Variants in KCNH8 observed in about 807,000 individuals in gnomAD.
The protein encoded by KCNH8 is voltage-gated delayed rectifier potassium channel KCNH8.
A neutral mutation model predicts 103.6 loss-of-function variants in KCNH8; 70 were observed. The ratio of observed to expected loss-of-function variants is 0.68; its 90% CI spans 0.56 to 0.82. The LOEUF (loss-of-function observed/expected upper bound fraction) is 0.82, where lower values mean the gene tolerates loss of function less well. KCNH8 is among the 40% of genes least tolerant of loss of function. KCNH8 has a pLI of 0.00. For missense variants in KCNH8, 1,217 were observed against 1,329.9 expected, an observed-to-expected ratio of 0.92 and a Z score of 1.32; for synonymous variants, 498 against 489.4, an observed-to-expected ratio of 1.02 and a Z score of -0.23.
intron 7 of KCNH8, among the ~76,000 whole-genome samples, chr3:19,407,942 G>A (rs7649639): frequency 0.62 from 94,706 of 151,892 alleles, 29,870 homozygotes; most frequent in Middle Eastern, 0.69. Flanking sequence ...CTTTGGCACT[G>A]GTGCTTGTGC....
At chr3:19,466,555 C>G (rs974764915) in intron 11 of KCNH8, among the ~76,000 whole-genome samples, 2 of 150,892 alleles carry the variant, frequency 1.3e-5, no homozygotes, top group African/African-American at 4.9e-5. Context: ...CCTGATTAGT[C>G]AGCAGCCATC....
intron 11 of KCNH8, among the ~76,000 whole-genome samples, chr3:19,494,156 G>A (rs1256088664): frequency 1.3e-5 from 2 of 152,186 alleles, no homozygotes; most frequent in African/African-American, 2.4e-5. Flanking sequence ...CCACGTTGCT[G>A]CAAAGGGCAG....
At chr3:19,283,706 C>A (rs2064788430) in intron 3 of KCNH8, among the ~76,000 whole-genome samples, 2 of 151,488 alleles carry the variant, frequency 1.3e-5, no homozygotes, top group African/African-American at 4.8e-5. Context: ...TGCTTGAGCC[C>A]AGAGTTTGAT....
chr3:19,226,177 A>G (rs750634135), intron 1 of KCNH8, among the ~76,000 whole-genome samples: 3 of 152,212 alleles, frequency 2.0e-5, no homozygotes, highest in Non-Finnish European at 4.4e-5. Context: ...AATTTTGTTG[A>G]GCAGTGCTTC....
intron 3 of KCNH8, among the ~76,000 whole-genome samples, chr3:19,325,667 T>G (rs930892212): frequency 3.3e-5 from 5 of 152,170 alleles, no homozygotes; most frequent in Non-Finnish European, 7.3e-5. Context: ...ATGGCCACTG[T>G]GAAATGTCAA....
At chr3:19,338,037 A>C (rs1218883618) in intron 3 of KCNH8, among the ~76,000 whole-genome samples, 1 of 151,912 alleles carries the variant, frequency 6.6e-6, no homozygotes, top group Non-Finnish European at 1.5e-5. Context: ...TTCTTATTCA[A>C]GTCGCTACAA....
At position 19,492,290 on chromosome 3, in the gene KCNH8, A is replaced by C. The variant is rs557380643; in HGVS notation, c.2041-18073A>C. Among the ~76,000 whole-genome samples the C allele has an allele frequency of 7.9e-5, 12 of 152,226 alleles. No homozygotes were observed. In the South Asian group the frequency reaches 1.7e-3, roughly 21 times the overall value. On this transcript the variant is annotated intron_variant, in intron 11 of 15. Coordinates refer to ENST00000328405, the MANE Select transcript of KCNH8 (RefSeq NM_144633.3). Reference sequence around the variant, plus strand: ...AGAGTACTTCCTAGGTTTTCGTCTAAGATATTTATAATTTTAGGTCTTATA... The same window carrying C: ...AGAGTACTTCCTAGGTTTTCGTCTACGATATTTATAATTTTAGGTCTTATA...
intron 1 of KCNH8, among the ~76,000 whole-genome samples, chr3:19,236,381 A>C (rs967991028): frequency 3.9e-5 from 6 of 152,134 alleles, no homozygotes; most frequent in Non-Finnish European, 8.8e-5. Context: ...TTCTCTTCTT[A>C]CGTCATCGTG....
intron 11 of KCNH8, among the ~76,000 whole-genome samples, chr3:19,470,976 C>CA (rs1245560816): frequency 4.6e-5 from 7 of 152,152 alleles, no homozygotes; most frequent in Admixed American, 4.6e-4. Context: ...AAGAGCACGA[C>CA]ATATACCCTG....
chr3:19,360,228 A>C (rs982592869), intron 5 of KCNH8, among the ~76,000 whole-genome samples: 1 of 152,066 alleles, frequency 6.6e-6, no homozygotes, highest in Non-Finnish European at 1.5e-5. Flanking sequence ...ACATGTGCAA[A>C]AGGTTTGCTG....
intron 11 of KCNH8, among the ~76,000 whole-genome samples, chr3:19,485,647 T>C (rs1231624171): frequency 1.3e-5 from 2 of 152,174 alleles, no homozygotes; most frequent in Non-Finnish European, 2.9e-5. Flanking sequence ...AAAGTCTTTT[T>C]CTTCCTTAGA....
chr3:19,390,388 C>T (rs2066418964), intron 5 of KCNH8, 93 bp from the exon 6 acceptor site: 31 of 902,446 alleles, frequency 3.4e-5, no homozygotes, highest in Non-Finnish European at 4.2e-5. Context: ...TGCCTGTCTC[C>T]CTTCCTTTCT....
chr3:19,170,528 T>C (rs1156566711), intron 1 of KCNH8, among the ~76,000 whole-genome samples: 1 of 150,078 alleles, frequency 6.7e-6, no homozygotes, highest in Non-Finnish European at 1.5e-5. Context: ...GGCTTAAGGA[T>C]GTTCCAACTT....
In KCNH8 at chr3:19,513,095, T is replaced by A. The variant is rs141540785; in HGVS notation, c.2205T>A (p.Ser735=). 8 of 1,604,812 alleles carry A rather than the reference T, an allele frequency of 5.0e-6. No individual in the cohort carries two copies. Among genetic ancestry groups the A allele is most frequent in the Non-Finnish European group, 6.8e-6 (8 of 1,171,704 alleles). The change falls in exon 13 of 16, where the codon TCT becomes TCA. Residue 735 remains serine, a synonymous_variant. Transcript: ENST00000328405. Reference sequence around the variant, plus strand: ...TCTCTCCCATCTGCACAAGGGGATCTTCTTCGCGCAACAAGAAGGTTGGAA... The same window carrying A: ...TCTCTCCCATCTGCACAAGGGGATCATCTTCGCGCAACAAGAAGGTTGGAA... ...VSLSPICTRG[S]SSRNKKVGSN...
At chr3:19,305,905 C>T (rs969020077) in intron 3 of KCNH8, among the ~76,000 whole-genome samples, 5 of 151,788 alleles carry the variant, frequency 3.3e-5, no homozygotes, top group African/African-American at 1.2e-4. Flanking sequence ...GCCAAAGTCT[C>T]ATTTGTTATA....
At chr3:19,160,833 G>A (rs2063226709) in intron 1 of KCNH8, among the ~76,000 whole-genome samples, 1 of 152,040 alleles carries the variant, frequency 6.6e-6, no homozygotes, top group Non-Finnish European at 1.5e-5. Flanking sequence ...TAGGCATCTT[G>A]GTTATCTCAT....
intron 11 of KCNH8, among the ~76,000 whole-genome samples, chr3:19,464,963 C>T (rs2067706254): frequency 6.6e-6 from 1 of 151,978 alleles, no homozygotes; most frequent in Admixed American, 6.6e-5. Context: ...AGAAATAGCA[C>T]CCAAGATGCC....
chr3:19,278,280 G>A (rs570986843), intron 2 of KCNH8, among the ~76,000 whole-genome samples: 2 of 152,114 alleles, frequency 1.3e-5, no homozygotes, highest in African/African-American at 2.4e-5. Context: ...AGATAATGCA[G>A]TTGGTATATG....
In KCNH8 at chr3:19,535,610, T is replaced by C. The variant is rs1009746657; in HGVS notation, c.*1511T>C. 1.3e-5 allele frequency: 2 copies of C among 152,236 alleles called. No individual in the cohort carries two copies. The highest frequency in any genetic ancestry group is 2.4e-5 in the African/African-American group (1 of 41,462). The allele number at this position is 152,236 out of a possible 1,614,324, so 9.4% of individuals were successfully genotyped here. On this transcript the variant is annotated 3_prime_UTR_variant, in exon 16 of 16. Coordinates refer to ENST00000328405, the MANE Select transcript of KCNH8 (RefSeq NM_144633.3). ...TTATTTTCCACCACAAAAAATAATC[T>C]GAGAATTGTATCATTAAAAGTATCT...
Sources: allele counts gnomAD v4.1 joint callset (sites outside exome capture counted in the v4.1 genomes callset), GRCh38; gene constraint gnomAD v4.1.1; transcripts MANE v1.5; gene names NCBI Gene and HGNC (gene_info 2026-07-23, HGNC 2026-07-21).